GMDS: variants seen among roughly 807,000 people sequenced by gnomAD.
The protein encoded by GMDS is GDP-mannose 4,6-dehydratase.
In GMDS, 20 loss-of-function variants were observed where a neutral mutation model predicts 49.9. The ratio of observed to expected loss-of-function variants is 0.40; its 90% CI spans 0.28 to 0.58. The LOEUF is 0.58. Among genes scored for constraint, GMDS ranks in the 20% least tolerant of loss-of-function variants. The pLI, the probability that GMDS is intolerant of heterozygous loss-of-function variation, is 0.42. For missense variants in GMDS, 362 were observed against 481.4 expected (o/e 0.75, Z 2.32); for synonymous variants, 177 against 178.6 (o/e 0.99, Z 0.07).
At chr6:2,182,318 G>A (rs983902781) in intron 1 of GMDS, among the ~76,000 whole-genome samples, 2 of 152,258 alleles carry the variant, frequency 1.3e-5, no homozygotes, top group Non-Finnish European at 2.9e-5. Context: ...GAAGCAGCAA[G>A]TGCTGATAGA....
chr6:1,807,944 G>A (rs374552111), intron 7 of GMDS, among the ~76,000 whole-genome samples: 9 of 152,278 alleles, frequency 5.9e-5, no homozygotes, highest in African/African-American at 2.2e-4. Context: ...TTAAGGAAGC[G>A]AAAAGGAAAG....
rs562774758 is a variant in GMDS at position 1,825,805 on chromosome 6, G to C, written c.772-83219C>G. ...AGGCAGATCACTTGAGGCTAGCTAGGAGTTTCAGACCAGCCGCCTGGCAGA... is the reference window on the plus strand; with the variant it reads ...AGGCAGATCACTTGAGGCTAGCTAGCAGTTTCAGACCAGCCGCCTGGCAGA... On this transcript the variant is annotated intron_variant, in intron 7 of 10. Coordinates refer to ENST00000380815, the MANE Select transcript of GMDS (RefSeq NM_001500.4). Among the ~76,000 whole-genome samples the C allele has an allele frequency of 8.0e-4, 122 of 152,304 alleles. 3 individuals are homozygous for C. In the Middle Eastern group the frequency reaches 0.031, roughly 38 times the overall value.
At chr6:1,907,025 A>C (rs1191708297) in intron 7 of GMDS, among the ~76,000 whole-genome samples, 1 of 152,102 alleles carries the variant, frequency 6.6e-6, no homozygotes, top group Non-Finnish European at 1.5e-5. Context: ...TGCACTGCAA[A>C]ACTGTCAGTC....
intron 7 of GMDS, among the ~76,000 whole-genome samples, chr6:1,785,490 C>T (rs1050346578): frequency 2.6e-5 from 4 of 152,176 alleles, no homozygotes; most frequent in Non-Finnish European, 4.4e-5. Flanking sequence ...TTGGAAAGGC[C>T]GTTCACTCCT....
At chr6:1,648,060 AC>A (rs1763541159) in intron 9 of GMDS, among the ~76,000 whole-genome samples, 1 of 152,058 alleles carries the variant, frequency 6.6e-6, no homozygotes, top group Admixed American at 6.5e-5. Flanking sequence ...CAGAGCCCAT[AC>A]CTATTTGCCT....
chr6:1,680,904 T>C lies in GMDS; in HGVS notation c.987+45512A>G, dbSNP rs569446078. ...CATGACAGGTTACCCTGGATGATGT[T>C]TCCTAAAGAAAAGTCACATCAGTGG... is the stretch of plus-strand genomic sequence containing the variant. On this transcript the variant is annotated intron_variant, in intron 9 of 10. Transcript: ENST00000380815. Among the ~76,000 whole-genome samples, 4 of 152,302 alleles carry C rather than the reference T, an allele frequency of 2.6e-5. No homozygotes were observed. In the South Asian group the frequency reaches 8.3e-4, roughly 32 times the overall value.
chr6:2,145,142 G>C (rs567885494), intron 1 of GMDS, among the ~76,000 whole-genome samples: 1 of 152,306 alleles, frequency 6.6e-6, no homozygotes, highest in East Asian at 1.9e-4. Flanking sequence ...AGTATGAATA[G>C]ATTTCAAGGG....
chr6:2,178,475 G>A lies in GMDS; in HGVS notation c.103-53744C>T, dbSNP rs550500257. ...GCACTGTTTGAAGAGAACACCACCGGTAGGTGGTGCCATTCATGAAAGCCA... is the reference window on the plus strand; with the variant it reads ...GCACTGTTTGAAGAGAACACCACCGATAGGTGGTGCCATTCATGAAAGCCA... On this transcript the variant is annotated intron_variant, in intron 1 of 10. Transcript: ENST00000380815. Among the ~76,000 whole-genome samples the A allele has an allele frequency of 1.4e-4, 20 of 146,900 alleles. 1 individual carries two copies. In the South Asian group the frequency reaches 2.5e-3, roughly 18 times the overall value.
In GMDS at chr6:2,068,397, T is replaced by G. The variant is rs1201913582; in HGVS notation, c.345+47374A>C. On this transcript the variant is annotated intron_variant, in intron 4 of 10. Coordinates refer to ENST00000380815, the MANE Select transcript of GMDS (RefSeq NM_001500.4). ...CTCTCACCACTCCTATTCAACATAGTGTTGGAAGTTCTGACCAGGGCAATT... is the reference window on the plus strand; with the variant it reads ...CTCTCACCACTCCTATTCAACATAGGGTTGGAAGTTCTGACCAGGGCAATT... Among the ~76,000 whole-genome samples, 21 of 152,010 alleles carry G rather than the reference T, an allele frequency of 1.4e-4. No individual in the cohort carries two copies. In the East Asian group the frequency reaches 4.1e-3, roughly 29 times the overall value.
At chr6:2,073,779 C>T (rs968567259) in intron 4 of GMDS, among the ~76,000 whole-genome samples, 6 of 152,136 alleles carry the variant, frequency 3.9e-5, no homozygotes, top group African/African-American at 1.4e-4. Context: ...TCTTTCTGTG[C>T]CTGGGTTATA....
intron 7 of GMDS, among the ~76,000 whole-genome samples, chr6:1,895,379 G>A (rs72841964): frequency 2.8e-4 from 42 of 152,288 alleles, no homozygotes; most frequent in Non-Finnish European, 5.0e-4. Flanking sequence ...ACACTGCCAA[G>A]CTATCATGTG....
rs1756791283 is a variant in GMDS, at chr6:1,833,801, A to G, written c.772-91215T>C. Among the ~76,000 whole-genome samples the G allele has an allele frequency of 6.6e-6, 1 of 152,244 alleles. No individual in the cohort carries two copies. Among genetic ancestry groups the G allele is most frequent in the African/African-American group, 2.4e-5 (1 of 41,466 alleles). ...ATTTATGAAGGCAGAAATTAATACC[A>G]AACCCAAACTGCTCATTAAACAAAC... On this transcript the variant is annotated intron_variant, in intron 7 of 10. Transcript: ENST00000380815. This position sits in a 1 kb window ranked among gnomAD's most constrained non-coding sequence, Gnocchi z 4.4.
chr6:1,722,867 G>A (rs757307068), intron 9 of GMDS, among the ~76,000 whole-genome samples: 21 of 152,190 alleles, frequency 1.4e-4, no homozygotes, highest in Non-Finnish European at 2.9e-4. Context: ...CAGAACTCAA[G>A]TACTAATGTT....
chr6:1,954,612 A>G (rs1282717075), intron 6 of GMDS, among the ~76,000 whole-genome samples: 1 of 152,272 alleles, frequency 6.6e-6, no homozygotes, highest in Non-Finnish European at 1.5e-5. Context: ...CACCAGGAAT[A>G]GATTCCATCT....
At chr6:2,074,784 A>C (rs886142745) in intron 4 of GMDS, among the ~76,000 whole-genome samples, 1 of 152,160 alleles carries the variant, frequency 6.6e-6, no homozygotes, top group Non-Finnish European at 1.5e-5. Context: ...GATTACAAGC[A>C]TGAGCCACCA....
At chr6:1,701,080 C>T (rs573654909) in intron 9 of GMDS, among the ~76,000 whole-genome samples, 34 of 152,292 alleles carry the variant, frequency 2.2e-4, no homozygotes, top group African/African-American at 7.9e-4. Context: ...ACTAGATACC[C>T]GCCTCCCATA....
At chr6:2,071,427 T>C (rs9405545) in intron 4 of GMDS, among the ~76,000 whole-genome samples, 39,476 of 151,884 alleles carry the variant, frequency 0.26, 6,135 homozygotes, top group East Asian at 0.48. Flanking sequence ...TTCCTTTCCA[T>C]GAGCCCATGT....
At chr6:1,900,532 T>C (rs138934596) in intron 7 of GMDS, among the ~76,000 whole-genome samples, 2 of 152,352 alleles carry the variant, frequency 1.3e-5, no homozygotes, top group African/African-American at 4.8e-5. Context: ...GTTTTTAAGA[T>C]AACTTCTACT....
chr6:1,861,119 C>A (rs957523959), intron 7 of GMDS, among the ~76,000 whole-genome samples: 1 of 152,206 alleles, frequency 6.6e-6, no homozygotes, highest in African/African-American at 2.4e-5. Context: ...ATGTCTGCTT[C>A]TGAGCCAGAT....
Sources: gnomAD v4.1 joint callset for allele counts (sites outside exome capture counted in the v4.1 genomes callset) on GRCh38, gnomAD v4.1.1 for gene constraint, Gnocchi (gnomAD v3.1) non-coding constraint, MANE v1.5 for transcripts, NCBI Gene and HGNC (gene_info 2026-07-23, HGNC 2026-07-21) for gene names.